Variants in S100A1 observed in about 807,000 individuals in gnomAD.
The protein encoded by S100A1 is S100 calcium binding protein A1.
Under a neutral mutation model 7.6 loss-of-function variants are expected in S100A1, and 3 were observed. The observed-to-expected ratio is 0.40, with a 90% confidence interval of 0.18 to 1.02. The LOEUF is 1.02. S100A1 is among the 50% of genes least tolerant of loss of function. The pLI is 0.35. For missense variants in S100A1, 126 were observed against 115.0 expected, an observed-to-expected ratio of 1.10 and a Z score of -0.44; for synonymous variants, 49 against 49.0, an observed-to-expected ratio of 1.00 and a Z score of 0.00.
chr1:153,631,957 AC>A lies in S100A1; in HGVS notation c.*121del, dbSNP rs1369510328. On this transcript the variant is annotated 3_prime_UTR_variant, in exon 3 of 3. Coordinates refer to ENST00000292169, the MANE Select transcript of S100A1 (RefSeq NM_006271.2). The stretch of plus-strand genomic sequence containing the variant: ...CCATAACCCCACCCTTGCCCACCCC[AC>A]CCCCACCCCCACCAAGGGCGCAAGA... 31 of 1,003,684 alleles carry A rather than the reference AC, an allele frequency of 3.1e-5. No homozygotes were observed. Among genetic ancestry groups the A allele is most frequent in the Non-Finnish European group, 3.9e-5 (30 of 764,210 alleles). The allele number at this position is 1,003,684 out of a possible 1,614,324, so 62.2% of individuals were successfully genotyped here.
intron 2 of S100A1, chr1:153,631,200 T>C: frequency 2.2e-6 from 1 of 457,082 alleles, no homozygotes; most frequent in Non-Finnish European, 3.9e-6. Flanking sequence ...AAAACTAGGC[T>C]GCTAAGGCTA....
chr1:153,631,303 T>C, intron 2 of S100A1: 1 of 704,784 alleles, frequency 1.4e-6, no homozygotes, highest in Non-Finnish European at 2.3e-6. Flanking sequence ...CCAGCCCTGC[T>C]ACTTTCTAGC....
chr1:153,628,740 G>C (rs1667827350), intron 1 of S100A1: 1 of 643,958 alleles, frequency 1.6e-6, no homozygotes, highest in Admixed American at 3.2e-5. Context: ...AAGCCAGTGG[G>C]GAACCCACCA....
chr1:153,630,563 C>T lies in S100A1; in HGVS notation c.42C>T (p.Asn14=), dbSNP rs765754648. ...AGACGGCGATGGAGACCCTCATCAA[C>T]GTGTTCCACGCCCACTCGGGCAAAG... ...ELETAMETLI[N]VFHAHSGKEG... The change falls in exon 2 of 3, where the codon AAC becomes AAT. Residue 14 remains asparagine, a synonymous_variant. Coordinates refer to ENST00000292169, the MANE Select transcript of S100A1 (RefSeq NM_006271.2). 32 of 1,614,144 alleles carry T rather than the reference C, an allele frequency of 2.0e-5. No homozygotes were observed. Among genetic ancestry groups the T allele is most frequent in the East Asian group, 4.5e-5 (2 of 44,898 alleles).
intron 2 of S100A1, 120 bp downstream of exon 2, chr1:153,630,782 C>A: frequency 7.4e-7 from 1 of 1,344,378 alleles, no homozygotes. Flanking sequence ...CTTTCCTTTC[C>A]CAGGCTTCTC....
intron 2 of S100A1, chr1:153,631,102 G>T: frequency 3.3e-6 from 1 of 300,038 alleles, no homozygotes; most frequent in East Asian, 6.8e-5. Context: ...GACATTTTAG[G>T]AGGAGGTAAC....
At chr1:153,630,778 T>C in intron 2 of S100A1, 116 bp downstream of exon 2, 1 of 1,363,216 alleles carries the variant, frequency 7.3e-7, no homozygotes, top group Non-Finnish European at 9.9e-7. Context: ...CTTTCTTTCC[T>C]TTCCCAGGCT....
rs1161808691 is a variant in S100A1, at chr1:153,631,699, C to T, written c.143C>T (p.Ala48Val). The T allele has an allele frequency of 6.2e-6, 10 of 1,614,034 alleles. No individual in the cohort carries two copies. The African/African-American group carries it at 1.3e-4, about 22-fold the overall frequency. ...CCTCTTCCTCTCCTCCCACCACAGG[C>T]CCAGAAGGATGTGGATGCTGTGGAC... ...LQTELSGFLD[A>V]QKDVDAVDKV... is the part of the protein sequence containing the mutation. Residue 48 changes from alanine to valine, a missense_variant and splice_region_variant, in exon 3 of 3, where the codon GCC (alanine) becomes GTC (valine). Coordinates refer to ENST00000292169, the MANE Select transcript of S100A1 (RefSeq NM_006271.2).
Position 153,630,496 on chromosome 1 carries a change from TG to T in S100A1, c.-13-8del. 1 of 1,612,616 alleles carries T rather than the reference TG, an allele frequency of 6.2e-7. No individual in the cohort carries two copies. Among genetic ancestry groups the T allele is most frequent in the South Asian group, 1.1e-5 (1 of 90,904 alleles). ...CCTGGTCCTCAGCTCACTTCCATGA[TG>T]GGGGTGGGTAGGTGCACTGCTGCAA... is the stretch of plus-strand genomic sequence containing the variant. On this transcript the variant is annotated splice_polypyrimidine_tract_variant and intron_variant, in intron 1 of 2. Coordinates refer to ENST00000292169, the MANE Select transcript of S100A1 (RefSeq NM_006271.2).
chr1:153,631,475 A>C, intron 2 of S100A1: 1 of 1,595,008 alleles, frequency 6.3e-7, no homozygotes, highest in South Asian at 1.1e-5. Flanking sequence ...GGCACTGAAC[A>C]TACGGTAACT....
intron 1 of S100A1, chr1:153,629,639 C>G (rs1404755494): frequency 6.6e-6 from 1 of 152,602 alleles, no homozygotes; most frequent in East Asian, 1.9e-4. Context: ...CCCTTTCTCT[C>G]CCCCAACACA....
intron 2 of S100A1, chr1:153,631,123 A>G (rs1356432362): frequency 2.0e-5 from 6 of 307,178 alleles, no homozygotes; most frequent in Non-Finnish European, 3.0e-5. Flanking sequence ...TGAATGAACA[A>G]AAGCATGGGA....
chr1:153,630,480 C>T (rs754243995), intron 1 of S100A1, 29 bp from the exon 2 acceptor site: 3 of 1,610,206 alleles, frequency 1.9e-6, no homozygotes, highest in South Asian at 1.1e-5. Context: ...GCCTGGTCCT[C>T]AGCTCACTTC....
intron 2 of S100A1, chr1:153,631,220 C>T: frequency 9.9e-6 from 5 of 503,996 alleles, no homozygotes; most frequent in Non-Finnish European, 1.8e-5. Context: ...AACCAGGGCC[C>T]CAAAGTAAAG....
rs531217036 is a variant in S100A1, at chr1:153,631,304, A to G, written c.142-394A>G. The stretch of plus-strand genomic sequence containing the variant: ...ACTGGGTTCAAATTCCAGCCCTGCT[A>G]CTTTCTAGCTGTGGGACTTTGGGCA... On this transcript the variant is annotated intron_variant, in intron 2 of 2. Transcript: ENST00000292169. 3.3e-4 allele frequency: 231 copies of G among 708,112 alleles called. 1 individual carries two copies. The East Asian group carries it at 6.2e-3, about 19-fold the overall frequency. 43.9% of individuals were successfully genotyped at this position (708,112 alleles called of 1,614,324 possible).
In S100A1 at chr1:153,630,531, G is replaced by A; in HGVS notation, c.10G>A (p.Glu4Lys). 1 of 1,614,240 alleles carries A rather than the reference G, an allele frequency of 6.2e-7. No individual in the cohort carries two copies. The change falls in exon 2 of 3, where the codon GAG becomes AAG. Residue 4 changes from glutamate to lysine, a missense_variant. Transcript: ENST00000292169. Reference sequence around the variant, plus strand: ...TAGGTGCACTGCTGCAATGGGCTCTGAGCTGGAGACGGCGATGGAGACCCT... The same window carrying A: ...TAGGTGCACTGCTGCAATGGGCTCTAAGCTGGAGACGGCGATGGAGACCCT... The part of the protein sequence containing the change: MGS[E>K]LETAMETLIN...
rs764785901 is a variant in S100A1, at chr1:153,631,890, T to C, written c.*49T>C. 1.3e-6 allele frequency: 2 copies of C among 1,594,480 alleles called. No homozygotes were observed. The highest frequency in any genetic ancestry group is 2.7e-5 in the African/African-American group (2 of 74,770). On this transcript the variant is annotated 3_prime_UTR_variant, in exon 3 of 3. Transcript: ENST00000292169. ...CCCTTCCTCTCCACCCTCCCAGACC[T>C]GCCTCTTCCCCCTGCTTCCACCTCA...
At chr1:153,631,546 T>A (rs1668008561) in intron 2 of S100A1, 152 bp from the exon 3 acceptor site, 5 of 1,613,930 alleles carry the variant, frequency 3.1e-6, no homozygotes, top group Non-Finnish European at 4.2e-6. Context: ...ACAGAAGCCC[T>A]CAAGACCTTT....
At position 153,629,962 on chromosome 1, in the gene S100A1, C is replaced by T. The variant is rs985242; in HGVS notation, c.-13-547C>T. On this transcript the variant is annotated intron_variant, in intron 1 of 2. Transcript: ENST00000292169. Reference sequence around the variant, plus strand: ...AGACCTCCCTCCCCCAGAAGGCGTACGCCACCCACTGGGGCTGCCATCCCC... The same window carrying T: ...AGACCTCCCTCCCCCAGAAGGCGTATGCCACCCACTGGGGCTGCCATCCCC... The T allele has an allele frequency of 4.8e-3, 740 of 155,686 alleles. 2 individuals carry two copies. Among genetic ancestry groups the T allele is most frequent in the Admixed American group, 7.0e-3 (107 of 15,374 alleles). 9.6% of individuals were successfully genotyped at this position (155,686 alleles called of 1,614,324 possible). A position where few individuals can be genotyped will look rare whatever the true frequency, so the allele number is the denominator to read the frequency against.
Sources: allele counts gnomAD v4.1 joint callset, GRCh38; gene constraint gnomAD v4.1.1; transcripts MANE v1.5; gene names NCBI Gene and HGNC (gene_info 2026-07-23, HGNC 2026-07-21).